The following TENM1 variants were observed in gnomAD, a reference collection of about 807,000 sequenced individuals.
TENM1 encodes the protein teneurin-1.
TENM1 carries 35 observed loss-of-function variants against 174.8 expected under a neutral mutation model. That is an observed-to-expected ratio of 0.20 (90% CI 0.15 to 0.27). The LOEUF (loss-of-function observed/expected upper bound fraction) is 0.27, where lower values mean the gene tolerates loss of function less well. Among genes scored for constraint, TENM1 ranks in the 10% least tolerant of loss-of-function variants. The pLI, the probability that TENM1 is intolerant of heterozygous loss-of-function variation, is 1.00. For missense variants in TENM1, 1,633 were observed against 2,130.1 expected (o/e 0.77, Z 4.59); for synonymous variants, 781 against 798.7 (o/e 0.98, Z 0.37).
intron 23 of TENM1, among the ~76,000 whole-genome samples, chrX:124,446,796 C>A (rs2060969699): frequency 8.9e-6 from 1 of 112,498 alleles, no homozygotes. Flanking sequence ...TCCAGAGAGG[C>A]CTGTATGTCA....
At chrX:124,951,306 C>CT (rs2058479774) in intron 1 of TENM1, among the ~76,000 whole-genome samples, 1 of 111,106 alleles carries the variant, frequency 9.0e-6, no homozygotes, top group Admixed American at 9.6e-5. Flanking sequence ...TTCATTTCTA[C>CT]ATTGAGGCCA....
the TENM1 span, among the ~76,000 whole-genome samples, chrX:125,142,516 C>T: frequency 9.1e-6 from 1 of 109,908 alleles, no homozygotes; most frequent in Admixed American, 9.8e-5. Context: ...ACTCCATATT[C>T]TTAATTGTTG....
intron 3 of TENM1, among the ~76,000 whole-genome samples, chrX:124,849,451 CTT>C (rs1428127347): frequency 3.0e-5 from 3 of 101,677 alleles, no homozygotes; most frequent in African/African-American, 1.3e-4. Flanking sequence ...CTGTTGCTGG[CTT>C]AGACAAAGCT....
chrX:124,740,518 TA>T (rs1438522068), intron 3 of TENM1, among the ~76,000 whole-genome samples: 1 of 111,775 alleles, frequency 8.9e-6, no homozygotes, highest in Non-Finnish European at 1.9e-5. Context: ...CATATATGGA[TA>T]TTTTGATTTT....
chrX:124,603,664 T>C (rs990323362), intron 11 of TENM1, among the ~76,000 whole-genome samples: 5 of 111,981 alleles, frequency 4.5e-5, no homozygotes, highest in African/African-American at 1.6e-4. Context: ...TGGTAATAAC[T>C]TATGTTCTAA....
intron 18 of TENM1, among the ~76,000 whole-genome samples, chrX:124,508,455 A>C (rs866725297): frequency 8.9e-6 from 1 of 112,408 alleles, no homozygotes; most frequent in Admixed American, 9.4e-5. Context: ...GCCCTAAAAT[A>C]AACTTTACCT....
At chrX:125,070,808 T>C in the TENM1 span, among the ~76,000 whole-genome samples, 4 of 111,473 alleles carry the variant, frequency 3.6e-5, no homozygotes, top group African/African-American at 1.3e-4. Context: ...CAATCATGGA[T>C]GAAATGGTTG....
At chrX:124,527,637 ATTTTTCT>A (rs1182630617) in intron 16 of TENM1, among the ~76,000 whole-genome samples, 2 of 102,132 alleles carry the variant, frequency 2.0e-5, no homozygotes, top group African/African-American at 7.2e-5. Flanking sequence ...CCTCAGGTAT[ATTTTTCT>A]TTTTTCTTTT....
intron 25 of TENM1, among the ~76,000 whole-genome samples, chrX:124,413,410 A>G (rs895222908): frequency 2.7e-5 from 3 of 111,355 alleles, no homozygotes; most frequent in Non-Finnish European, 5.7e-5. Flanking sequence ...TTGTTGAATG[A>G]GTATAAATAG....
chrX:125,080,280 T>TAAGTTAA, the TENM1 span, among the ~76,000 whole-genome samples: 1 of 112,007 alleles, frequency 8.9e-6, no homozygotes, highest in Non-Finnish European at 1.9e-5. Flanking sequence ...ATGCCTGTCC[T>TAAGTTAA]AAGTTAAAAA....
intron 14 of TENM1, among the ~76,000 whole-genome samples, chrX:124,547,765 G>T (rs1204551653): frequency 8.9e-6 from 1 of 112,294 alleles, no homozygotes; most frequent in African/African-American, 3.2e-5. Context: ...TGCAGAACCA[G>T]TTTTTTAAGG....
the TENM1 span, among the ~76,000 whole-genome samples, chrX:125,039,825 C>CTTTTTTTTTTTTTTTTTTTTTTTT: frequency 2.7e-5 from 3 of 111,388 alleles, no homozygotes; most frequent in African/African-American, 9.8e-5. Flanking sequence ...TGAGCCTTTT[C>CTTTTTTTTTTTTTTTTTTTTTTTT]TTATTAACCT....
the TENM1 span, among the ~76,000 whole-genome samples, chrX:124,998,198 G>T: frequency 9.2e-6 from 1 of 108,432 alleles, no homozygotes; most frequent in African/African-American, 3.3e-5. Context: ...ATTTATTAAT[G>T]AAATTTACAT....
the TENM1 span, among the ~76,000 whole-genome samples, chrX:125,077,049 T>C: frequency 1.8e-5 from 2 of 110,890 alleles, no homozygotes; most frequent in Non-Finnish European, 3.8e-5. Context: ...ATATGACTCC[T>C]GGACACTAAA....
chrX:124,850,249 A>G (rs1483504093), intron 3 of TENM1, among the ~76,000 whole-genome samples: 1 of 111,715 alleles, frequency 9.0e-6, no homozygotes, highest in East Asian at 2.8e-4. Context: ...TCCAGCCCTC[A>G]TTTTCAGTGA....
chrX:124,963,237 C>T (rs746703250), intron 1 of TENM1, among the ~76,000 whole-genome samples: 6 of 112,274 alleles, frequency 5.3e-5, no homozygotes, highest in Non-Finnish European at 1.1e-4. Flanking sequence ...GTTTACTTTT[C>T]ATCTTACTAT....
chrX:125,156,676 T>C, the TENM1 span, among the ~76,000 whole-genome samples: 1 of 112,199 alleles, frequency 8.9e-6, no homozygotes, highest in African/African-American at 3.2e-5. Context: ...ACATCTAGGT[T>C]GATTCTATGT....
rs1014882289 is a variant in TENM1, at chrX:124,477,595, T to C, written c.3949+4137A>G. 1.3e-4 allele frequency among the ~76,000 whole-genome samples: 14 copies of C among 110,718 alleles called. No homozygotes were observed. The East Asian group carries it at 4.0e-3, about 32-fold the overall frequency. On this transcript the variant is annotated intron_variant, in intron 22 of 31. Transcript: ENST00000422452. ...GGTGAAACCCCGTCTCTACTAAAAA[T>C]ACAAAAATGAGCCAGGCGTGGTGGC...
chrX:125,005,927 G>C, the TENM1 span, among the ~76,000 whole-genome samples: 1 of 111,589 alleles, frequency 9.0e-6, no homozygotes, highest in Non-Finnish European at 1.9e-5. Context: ...CAGGTTTTGA[G>C]CACAAAACTG....
Sources: gnomAD v4.1 joint callset for allele counts (sites outside exome capture counted in the v4.1 genomes callset) on GRCh38, gnomAD v4.1.1 for gene constraint, MANE v1.5 for transcripts, NCBI Gene and HGNC (gene_info 2026-07-23, HGNC 2026-07-21) for gene names.